TPD52L1: variants seen among roughly 807,000 people sequenced by gnomAD.
The protein encoded by TPD52L1 is tumor protein D53.
TPD52L1 carries 18 observed loss-of-function variants against 28.7 expected under a neutral mutation model. The observed-to-expected ratio is 0.63, with a 90% confidence interval of 0.43 to 0.93. The LOEUF (loss-of-function observed/expected upper bound fraction) is 0.93, where lower values mean the gene tolerates loss of function less well. Ranked by LOEUF, TPD52L1 falls within the 40% of genes least tolerant of loss-of-function variation. The probability of loss-of-function intolerance (pLI) is 0.00; values close to 1 mark genes in which losing one functional copy is unlikely to be tolerated. For synonymous variants in TPD52L1, 75 were observed against 88.8 expected (o/e 0.84, Z 0.88); for missense variants, 203 against 254.8 (o/e 0.80, Z 1.39).
At chr6:125,221,624 T>G (rs1795238624) in intron 2 of TPD52L1, among the ~76,000 whole-genome samples, 1 of 152,238 alleles carries the variant, frequency 6.6e-6, no homozygotes, top group African/African-American at 2.4e-5. Flanking sequence ...CATTATTTTC[T>G]AAATGTCAAC....
rs926801199 is a variant in TPD52L1, at chr6:125,154,409, G to C, written c.19+439G>C. The C allele has an allele frequency of 8.1e-6, 8 of 992,390 alleles. No individual in the cohort carries two copies. The African/African-American group carries it at 1.4e-4, about 17-fold the overall frequency. The allele number at this position is 992,390 out of a possible 1,614,324, so 61.5% of individuals were successfully genotyped here. ...GCTTGTGGCTCCCAAGTTAGGGAGTGAGAGGATCGCCCGCCGAGGGGGTGG... is the reference window on the plus strand; with the variant it reads ...GCTTGTGGCTCCCAAGTTAGGGAGTCAGAGGATCGCCCGCCGAGGGGGTGG... On this transcript the variant is annotated intron_variant, in intron 1 of 6. Transcript: ENST00000534000.
intron 1 of TPD52L1, among the ~76,000 whole-genome samples, chr6:125,154,995 A>C (rs1790023404): frequency 6.6e-6 from 1 of 152,098 alleles, no homozygotes; most frequent in Non-Finnish European, 1.5e-5. Context: ...AACGCCCTGA[A>C]TGAGAGTGGG....
chr6:125,238,501 C>T (rs1796415593), intron 3 of TPD52L1, among the ~76,000 whole-genome samples: 1 of 151,778 alleles, frequency 6.6e-6, no homozygotes, highest in Non-Finnish European at 1.5e-5. Flanking sequence ...TTATCCCTCA[C>T]CCCCCTCGAA....
chr6:125,227,156 G>A (rs80078590), intron 2 of TPD52L1, among the ~76,000 whole-genome samples: 6,878 of 152,276 alleles, frequency 0.045, 214 homozygotes, highest in Non-Finnish European at 0.066. Flanking sequence ...AATGGATAAT[G>A]TTAAATTGCC....
intron 1 of TPD52L1, among the ~76,000 whole-genome samples, chr6:125,213,068 C>T (rs1485643201): frequency 2.6e-5 from 4 of 152,062 alleles, no homozygotes; most frequent in Non-Finnish European, 5.9e-5. Context: ...ACTCCAATAG[C>T]AGGGTAGCAA....
intron 1 of TPD52L1, among the ~76,000 whole-genome samples, chr6:125,206,313 T>C (rs1017879895): frequency 6.6e-6 from 1 of 152,192 alleles, no homozygotes; most frequent in Non-Finnish European, 1.5e-5. Flanking sequence ...GTGCAATTTA[T>C]AATGCAATTT....
At chr6:125,206,790 G>A (rs1021267404) in intron 1 of TPD52L1, among the ~76,000 whole-genome samples, 1 of 152,168 alleles carries the variant, frequency 6.6e-6, no homozygotes, top group Non-Finnish European at 1.5e-5. Flanking sequence ...TCAGTGTTGT[G>A]TAGATTGGGT....
chr6:125,189,231 TATA>T (rs1285974782), intron 1 of TPD52L1, among the ~76,000 whole-genome samples: 9 of 152,358 alleles, frequency 5.9e-5, no homozygotes, highest in African/African-American at 1.9e-4. Context: ...TATATTCTTT[TATA>T]ATAATAACCC....
chr6:125,230,651 T>C (rs1296636829), intron 3 of TPD52L1, among the ~76,000 whole-genome samples: 1 of 152,118 alleles, frequency 6.6e-6, no homozygotes, highest in Admixed American at 6.6e-5. Flanking sequence ...AAGATGTCCT[T>C]TGTATGAGGA....
intron 2 of TPD52L1, among the ~76,000 whole-genome samples, chr6:125,224,695 C>T (rs1332668233): frequency 6.6e-6 from 1 of 152,130 alleles, no homozygotes; most frequent in Non-Finnish European, 1.5e-5. Context: ...TGTGGTTACT[C>T]CTAAATAACA....
chr6:125,221,042 G>A (rs558328736), intron 2 of TPD52L1, among the ~76,000 whole-genome samples: 1 of 152,276 alleles, frequency 6.6e-6, no homozygotes, highest in Admixed American at 6.5e-5. Flanking sequence ...TGAGGACACA[G>A]CTCTGAGCTC....
intron 1 of TPD52L1, among the ~76,000 whole-genome samples, chr6:125,209,632 T>C (rs1373912954): frequency 6.6e-6 from 1 of 152,062 alleles, no homozygotes; most frequent in Non-Finnish European, 1.5e-5. Context: ...TCTCAGAGAG[T>C]CCAAATGCCT....
intron 1 of TPD52L1, among the ~76,000 whole-genome samples, chr6:125,159,772 G>A (rs1020015737): frequency 4.0e-5 from 4 of 99,134 alleles, no homozygotes; most frequent in African/African-American, 3.6e-4. Flanking sequence ...TGTTGTGTTA[G>A]TAGACGTGTG....
chr6:125,185,894 A>ATT (rs536833440), intron 1 of TPD52L1, among the ~76,000 whole-genome samples: 1,312 of 130,432 alleles, frequency 0.01, 54 homozygotes, highest in African/African-American at 0.035. Context: ...TGGAAATTTG[A>ATT]TTTTTTTTTT....
chr6:125,176,353 A>G (rs1327892566), intron 1 of TPD52L1, among the ~76,000 whole-genome samples: 3 of 152,158 alleles, frequency 2.0e-5, no homozygotes, highest in Non-Finnish European at 2.9e-5. Flanking sequence ...CCTTCCCTGA[A>G]TGTGCCATCT....
At chr6:125,232,428 T>G (rs181186798) in intron 3 of TPD52L1, among the ~76,000 whole-genome samples, 1 of 152,266 alleles carries the variant, frequency 6.6e-6, no homozygotes, top group East Asian at 1.9e-4. Flanking sequence ...CTGCTCTTAG[T>G]GCTGTTTATG....
intron 1 of TPD52L1, among the ~76,000 whole-genome samples, chr6:125,215,450 A>C (rs1377656682): frequency 6.6e-6 from 1 of 152,220 alleles, no homozygotes; most frequent in East Asian, 1.9e-4. Context: ...TATAACTCAG[A>C]GAGCACCACT....
intron 1 of TPD52L1, among the ~76,000 whole-genome samples, chr6:125,193,881 G>T (rs1793226287): frequency 6.6e-6 from 1 of 152,058 alleles, no homozygotes; most frequent in Non-Finnish European, 1.5e-5. Context: ...TGAAGCCCTG[G>T]CCCGGGGCTT....
intron 1 of TPD52L1, among the ~76,000 whole-genome samples, chr6:125,171,685 C>T (rs906395569): frequency 1.3e-5 from 2 of 152,122 alleles, no homozygotes; most frequent in East Asian, 3.8e-4. Context: ...CTGCATGAGC[C>T]TTGAAACAGT....
Sources: gnomAD v4.1 joint callset for allele counts (sites outside exome capture counted in the v4.1 genomes callset) on GRCh38, gnomAD v4.1.1 for gene constraint, MANE v1.5 for transcripts, NCBI Gene and HGNC (gene_info 2026-07-23, HGNC 2026-07-21) for gene names.